CYS1: variants seen among roughly 807,000 people sequenced by gnomAD.
The protein encoded by CYS1 is cystin 1.
Under a neutral mutation model 9.6 loss-of-function variants are expected in CYS1, and 5 were observed. The ratio of observed to expected loss-of-function variants is 0.52; its 90% confidence interval spans 0.27 to 1.10. CYS1 has a LOEUF of 1.10. Ranked by LOEUF, CYS1 falls within the 50% of genes least tolerant of loss-of-function variation. CYS1 has a pLI of 0.11. For synonymous variants in CYS1, 88 were observed against 95.7 expected (o/e 0.92, Z 0.47); for missense variants, 221 against 207.9 (o/e 1.06, Z -0.39).
intron 1 of CYS1, among the ~76,000 whole-genome samples, chr2:10,074,722 C>G (rs1661818896): frequency 6.6e-6 from 1 of 152,214 alleles, no homozygotes; most frequent in Non-Finnish European, 1.5e-5. Flanking sequence ...AACCTCTTAG[C>G]TTGGAATCCT....
At chr2:10,077,785 A>G (rs887486735) in intron 1 of CYS1, among the ~76,000 whole-genome samples, 8 of 152,162 alleles carry the variant, frequency 5.3e-5, no homozygotes, top group Admixed American at 3.9e-4. Context: ...TCTAGGATTC[A>G]TTTATTCAAG....
intron 1 of CYS1, among the ~76,000 whole-genome samples, chr2:10,066,472 C>A (rs1009443705): frequency 3.9e-5 from 6 of 152,238 alleles, no homozygotes; most frequent in Non-Finnish European, 7.3e-5. Context: ...TCTCCCTCCC[C>A]CACTGAAGTG....
chr2:10,078,014 G>C (rs1661879222), intron 1 of CYS1, among the ~76,000 whole-genome samples: 1 of 151,698 alleles, frequency 6.6e-6, no homozygotes, highest in Non-Finnish European at 1.5e-5. Context: ...GCTGAGGCAA[G>C]AGAATCGCTT....
intron 2 of CYS1, among the ~76,000 whole-genome samples, chr2:10,060,135 C>T (rs980959482): frequency 6.6e-6 from 1 of 152,260 alleles, no homozygotes. Flanking sequence ...TGCAGGTCTG[C>T]AGCTGACAGG....
intron 1 of CYS1, 26 bp downstream of exon 1, chr2:10,079,880 C>G (rs1467819493): frequency 9.1e-7 from 1 of 1,098,568 alleles, no homozygotes; most frequent in Non-Finnish European, 1.1e-6. Flanking sequence ...CGCCGTCCCC[C>G]GAGGCCCTGC....
At chr2:10,072,335 G>A (rs578026226) in intron 1 of CYS1, among the ~76,000 whole-genome samples, 61 of 152,136 alleles carry the variant, frequency 4.0e-4, no homozygotes, top group Non-Finnish European at 6.5e-4. Flanking sequence ...CGCCTGCCTC[G>A]GCCTCCCAAA....
chr2:10,075,443 T>C (rs1272775436), intron 1 of CYS1, among the ~76,000 whole-genome samples: 2 of 152,236 alleles, frequency 1.3e-5, no homozygotes, highest in Admixed American at 1.3e-4. Context: ...ATATCACTCA[T>C]TGCCATTTAA....
chr2:10,077,868 C>T (rs1227677371), intron 1 of CYS1, among the ~76,000 whole-genome samples: 2 of 151,478 alleles, frequency 1.3e-5, no homozygotes, highest in South Asian at 2.1e-4. Context: ...CCAGCACTTT[C>T]GGAGACCAAG....
chr2:10,067,225 A>C (rs1470390285), intron 1 of CYS1, among the ~76,000 whole-genome samples: 1 of 152,050 alleles, frequency 6.6e-6, no homozygotes, highest in Non-Finnish European at 1.5e-5. Context: ...CATGTTGGCC[A>C]GGCTGGTCTC....
chr2:10,066,725 T>C (rs1661701858), intron 1 of CYS1, among the ~76,000 whole-genome samples: 3 of 152,220 alleles, frequency 2.0e-5, no homozygotes, highest in Admixed American at 6.5e-5. Context: ...TACAATGGGG[T>C]TACGGCCCGA....
At chr2:10,064,895 T>C (rs1661674852) in intron 2 of CYS1, among the ~76,000 whole-genome samples, 1 of 149,562 alleles carries the variant, frequency 6.7e-6, no homozygotes, top group African/African-American at 2.5e-5. Context: ...TTTTTGTTTT[T>C]GTTTTTTTTT....
At chr2:10,072,672 C>T (rs1292490211) in intron 1 of CYS1, among the ~76,000 whole-genome samples, 1 of 152,204 alleles carries the variant, frequency 6.6e-6, no homozygotes, top group Non-Finnish European at 1.5e-5. Context: ...TGAACATGTA[C>T]AGTAGAGAAA....
chr2:10,074,753 C>T lies in CYS1; in HGVS notation c.318+5153G>A, dbSNP rs138503677. ...ATCCTGTGAAAATGTGACCCAAACCCGTCTCATTGGTTTCTGCTCTCCGAC... is the reference window on the plus strand; with the variant it reads ...ATCCTGTGAAAATGTGACCCAAACCTGTCTCATTGGTTTCTGCTCTCCGAC... On this transcript the variant is annotated intron_variant, in intron 1 of 2. Coordinates refer to ENST00000381813, the MANE Select transcript of CYS1 (RefSeq NM_001037160.3). Among the ~76,000 whole-genome samples the T allele has an allele frequency of 1.9e-4, 29 of 152,300 alleles. 1 individual carries two copies. The highest frequency in any genetic ancestry group is 6.0e-4 in the African/African-American group (25 of 41,564).
chr2:10,072,819 G>A (rs1394039013), intron 1 of CYS1, among the ~76,000 whole-genome samples: 2 of 152,220 alleles, frequency 1.3e-5, no homozygotes, highest in South Asian at 4.1e-4. Context: ...TCCACTGTAG[G>A]GCTTTGCAGG....
rs1016478427 is a variant in CYS1 at position 10,058,550 on chromosome 2, G to T, written c.*303C>A. 1 of 313,522 alleles carries T rather than the reference G, an allele frequency of 3.2e-6. No homozygotes were observed. Among genetic ancestry groups the T allele is most frequent in the East Asian group, 5.2e-5 (1 of 19,252 alleles). 19.4% of individuals were successfully genotyped at this position (313,522 alleles called of 1,614,324 possible). A position where few individuals can be genotyped will look rare whatever the true frequency, so the allele number is the denominator to read the frequency against. On this transcript the variant is annotated 3_prime_UTR_variant, in exon 3 of 3. Transcript: ENST00000381813. ...CACTGTGGAGAGCGGGCAACCAAGA[G>T]GGGCACGCATTTCAGGCTCCAGAAG...
At chr2:10,064,602 A>G (rs1027368606) in intron 2 of CYS1, among the ~76,000 whole-genome samples, 20 of 151,810 alleles carry the variant, frequency 1.3e-4, no homozygotes, top group Non-Finnish European at 2.5e-4. Context: ...TCCCTCCCCA[A>G]TTCCCTCCTA....
In CYS1 at chr2:10,076,032, CA is replaced by C. The variant is rs763186754; in HGVS notation, c.318+3873del. ...TGAAACCCCATCTCTACTAAAAATA[CA>C]AAAAAATTAGCCAGGCGTGGTGGCA... On this transcript the variant is annotated intron_variant, in intron 1 of 2. Transcript: ENST00000381813. The surrounding 1 kb of genome is among the most constrained non-coding windows in gnomAD (Gnocchi z 4.3). Among the ~76,000 whole-genome samples, 1 of 151,890 alleles carries C rather than the reference CA, an allele frequency of 6.6e-6. No individual in the cohort carries two copies. Among genetic ancestry groups the C allele is most frequent in the Admixed American group, 6.6e-5 (1 of 15,252 alleles).
Position 10,063,673 on chromosome 2 carries a change from C to G in CYS1, c.371+2231G>C, listed in dbSNP as rs1003508756. Among the ~76,000 whole-genome samples the G allele has an allele frequency of 6.6e-6, 1 of 152,162 alleles. No individual in the cohort carries two copies. The highest frequency in any genetic ancestry group is 2.4e-5 in the African/African-American group (1 of 41,448). ...ACTGTTGCAGCCACAGGGTGAGGCA[C>G]TGGTACCCAAGAGCTGCACGCTGGG... On this transcript the variant is annotated intron_variant, in intron 2 of 2. Transcript: ENST00000381813. The surrounding 1 kb of genome is among the most constrained non-coding windows in gnomAD (Gnocchi z 4.2).
chr2:10,066,733 C>T (rs970875295), intron 1 of CYS1, among the ~76,000 whole-genome samples: 8 of 152,104 alleles, frequency 5.3e-5, no homozygotes, highest in African/African-American at 1.7e-4. Flanking sequence ...GGTTACGGCC[C>T]GAAGAAAACA....
Sources: allele counts gnomAD v4.1 joint callset (sites outside exome capture counted in the v4.1 genomes callset), GRCh38; gene constraint gnomAD v4.1.1; non-coding constraint Gnocchi (gnomAD v3.1); transcripts MANE v1.5; gene names NCBI Gene and HGNC (gene_info 2026-07-23, HGNC 2026-07-21).